Variants in OR56B1 observed in about 807,000 individuals in gnomAD.
OR56B1 encodes the protein olfactory receptor family 56 subfamily B member 1.
In OR56B1, 13 loss-of-function variants were observed where a neutral mutation model predicts 11.4. That is an observed-to-expected ratio of 1.14 (90% CI 0.74 to 1.81). The LOEUF (loss-of-function observed/expected upper bound fraction) is 1.81, where lower values mean the gene tolerates loss of function less well. Among genes scored for constraint, OR56B1 ranks in the 40% most tolerant of loss-of-function variants. OR56B1 has a pLI of 0.00. For missense variants in OR56B1, 434 were observed against 379.3 expected, an observed-to-expected ratio of 1.14 and a Z score of -1.20; for synonymous variants, 158 against 143.6, an observed-to-expected ratio of 1.10 and a Z score of -0.72.
Position 5,738,100 on chromosome 11 carries a change from C to G in OR56B1, c.*609C>G, listed in dbSNP as rs1853954666. On this transcript the variant is annotated 3_prime_UTR_variant, in exon 1 of 1. Transcript: ENST00000317121. ...TCTGGTGCTTACGCCGTTTGCCTCC[C>G]CAGATTTGCTGTCTGCCCTTTGTGC... 6.5e-6 allele frequency: 1 copy of G among 152,820 alleles called. No individual in the cohort carries two copies. Among genetic ancestry groups the G allele is most frequent in the Non-Finnish European group, 1.5e-5 (1 of 68,500 alleles). The allele number at this position is 152,820 out of a possible 1,614,324, so 9.5% of individuals were successfully genotyped here. A position where few individuals can be genotyped will look rare whatever the true frequency, so the allele number is the denominator to read the frequency against.
rs561180490 is a variant in OR56B1, at chr11:5,736,924, T to A, written c.408T>A (p.Cys136Ter). The A allele has an allele frequency of 1.2e-6, 2 of 1,614,062 alleles. No individual in the cohort carries two copies. Among genetic ancestry groups the A allele is most frequent in the South Asian group, 2.2e-5 (2 of 91,090 alleles). ...CTTTTGATAGATATGTGGCTATTTG[T>A]CACCCTCTTCGCTATCCATCAATTG... ...CMAFDRYVAICHPLRYPSIVT... is the reference protein window; with the variant it reads ...CMAFDRYVAI The change falls in exon 1 of 1, where the codon TGT (cysteine) becomes TGA (stop). Residue 136 changes from cysteine (C) to a stop codon, truncating the protein, a stop_gained. Coordinates refer to ENST00000317121, the MANE Select transcript of OR56B1 (RefSeq NM_001005180.3). LOFTEE classifies it high-confidence loss of function.
chr11:5,737,756 T>C lies in OR56B1; in HGVS notation c.*265T>C. 3.2e-6 allele frequency: 1 copy of C among 312,410 alleles called. No individual in the cohort carries two copies. The highest frequency in any genetic ancestry group is 5.7e-5 in the East Asian group (1 of 17,622). The allele number at this position is 312,410 out of a possible 1,614,324, so 19.4% of individuals were successfully genotyped here. ...TAAAGAACTTAATGATTGATATCTA[T>C]CTCTTAAAATAAAAATGAATATAAT... On this transcript the variant is annotated 3_prime_UTR_variant, in exon 1 of 1. Coordinates refer to ENST00000317121, the MANE Select transcript of OR56B1 (RefSeq NM_001005180.3).
chr11:5,737,511 C>G lies in OR56B1; in HGVS notation c.*20C>G. The G allele has an allele frequency of 6.3e-7, 1 of 1,585,386 alleles. No individual in the cohort carries two copies. The highest frequency in any genetic ancestry group is 8.6e-7 in the Non-Finnish European group (1 of 1,165,572). The stretch of plus-strand genomic sequence containing the variant: ...TCTTAGAGACCTTCTCCATGATGTA[C>G]ATGAACCTCAGCTTCTCCTAAACTG... On this transcript the variant is annotated 3_prime_UTR_variant, in exon 1 of 1. Coordinates refer to ENST00000317121, the MANE Select transcript of OR56B1 (RefSeq NM_001005180.3).
At position 5,737,403 on chromosome 11, in the gene OR56B1, A is replaced by G. The variant is rs1161356184; in HGVS notation, c.887A>G (p.Asn296Ser). The change falls in exon 1 of 1, where the codon AAC (asparagine) becomes AGC (serine). Residue 296 changes from asparagine to serine, a missense_variant. Asn to Ser is a conservative substitution (Grantham distance 46). Coordinates refer to ENST00000317121, the MANE Select transcript of OR56B1 (RefSeq NM_001005180.3). Reference sequence around the variant, plus strand: ...CACAACATCATCCCCCCTTCCCTCAACCCTACAGTTTATGCACTTCAGACC... The same window carrying G: ...CACAACATCATCCCCCCTTCCCTCAGCCCTACAGTTTATGCACTTCAGACC... ...VLHNIIPPSL[N>S]PTVYALQTKE... The G allele has an allele frequency of 6.2e-7, 1 of 1,613,808 alleles. No homozygotes were observed. The highest frequency in any genetic ancestry group is 1.1e-5 in the South Asian group (1 of 91,066).
Position 5,737,153 on chromosome 11 carries a change from T to C in OR56B1, c.637T>C (p.Trp213Arg). The C allele has an allele frequency of 6.2e-7, 1 of 1,614,010 alleles. No individual in the cohort carries two copies. The change falls in exon 1 of 1, where the codon TGG becomes CGG. Residue 213 changes from tryptophan (W) to arginine (R), a missense_variant. Physicochemically the swap from Trp to Arg is moderately radical, Grantham distance 101. Coordinates refer to ENST00000317121, the MANE Select transcript of OR56B1 (RefSeq NM_001005180.3). ...CAGCATTTGCCAGTTGGTTCTGGCA[T>C]GGCTTGGAATGGGGAGTGATCTAAG... Reference protein sequence around the residue: ...PNSICQLVLAWLGMGSDLSLI... With the variant: ...PNSICQLVLARLGMGSDLSLI...
chr11:5,737,507 T>C lies in OR56B1; in HGVS notation c.*16T>C, dbSNP rs201011587. 1.3e-6 allele frequency: 2 copies of C among 1,594,604 alleles called. No homozygotes were observed. The highest frequency in any genetic ancestry group is 1.7e-6 in the Non-Finnish European group (2 of 1,170,034). On this transcript the variant is annotated 3_prime_UTR_variant, in exon 1 of 1. Transcript: ENST00000317121. Reference sequence around the variant, plus strand: ...AAGATCTTAGAGACCTTCTCCATGATGTACATGAACCTCAGCTTCTCCTAA... The same window carrying C: ...AAGATCTTAGAGACCTTCTCCATGACGTACATGAACCTCAGCTTCTCCTAA...
chr11:5,736,715 C>T lies in OR56B1; in HGVS notation c.199C>T (p.Pro67Ser). ...IIWQNPSLQQ[P>S]MYIFLGILCM... ...CTGGCAGAACCCTTCTTTACAGCAGCCCATGTATATTTTCCTTGGCATCCT... is the reference window on the plus strand; with the variant it reads ...CTGGCAGAACCCTTCTTTACAGCAGTCCATGTATATTTTCCTTGGCATCCT... Residue 67 changes from proline (P) to serine (S), a missense_variant, in exon 1 of 1, where the codon CCC becomes TCC. Transcript: ENST00000317121. 1 of 1,613,950 alleles carries T rather than the reference C, an allele frequency of 6.2e-7. No homozygotes were observed. The highest frequency in any genetic ancestry group is 8.5e-7 in the Non-Finnish European group (1 of 1,179,948).
chr11:5,736,984 C>A lies in OR56B1; in HGVS notation c.468C>A (p.Phe156Leu). The A allele has an allele frequency of 6.2e-7, 1 of 1,614,118 alleles. No homozygotes were observed. The highest frequency in any genetic ancestry group is 8.5e-7 in the Non-Finnish European group (1 of 1,179,994). The change falls in exon 1 of 1, where the codon TTC (phenylalanine) becomes TTA (leucine). Residue 156 changes from phenylalanine (F) to leucine (L), a missense_variant. Transcript: ENST00000317121. ...TSSLILKATLFMVLRNGLFVT... is the reference protein window; with the variant it reads ...TSSLILKATLLMVLRNGLFVT... ...CCTTAATCTTAAAAGCTACCCTGTTCATGGTGCTGAGAAATGGCTTATTTG... is the reference window on the plus strand; with the variant it reads ...CCTTAATCTTAAAAGCTACCCTGTTAATGGTGCTGAGAAATGGCTTATTTG...
At position 5,737,382 on chromosome 11, in the gene OR56B1, A is replaced by T; in HGVS notation, c.866A>T (p.Asn289Ile). The T allele has an allele frequency of 6.2e-7, 1 of 1,614,102 alleles. No homozygotes were observed. Among genetic ancestry groups the T allele is most frequent in the Admixed American group, 1.7e-5 (1 of 60,018 alleles). Residue 289 changes from asparagine to isoleucine, a missense_variant, in exon 1 of 1, where the codon AAC becomes ATC. Physicochemically the swap from Asn to Ile is moderately radical, Grantham distance 149. Coordinates refer to ENST00000317121, the MANE Select transcript of OR56B1 (RefSeq NM_001005180.3). ...LIPVLLNVLH[N>I]IIPPSLNPTV... is the part of the protein sequence containing the mutation. ...CCAGTTCTACTTAATGTGTTGCACA[A>T]CATCATCCCCCCTTCCCTCAACCCT...
Position 5,737,589 on chromosome 11 carries a change from C to A in OR56B1, c.*98C>A. ...GAGTAAGTGAATACCTTTGGGATTC[C>A]CTTTTTATATTTGTATGTAAATAAT... On this transcript the variant is annotated 3_prime_UTR_variant, in exon 1 of 1. Transcript: ENST00000317121. 4.6e-6 allele frequency: 5 copies of A among 1,098,172 alleles called. No homozygotes were observed. Among genetic ancestry groups the A allele is most frequent in the Non-Finnish European group, 6.3e-6 (5 of 790,760 alleles). 68.0% of individuals were successfully genotyped at this position (1,098,172 alleles called of 1,614,324 possible).
In OR56B1 at chr11:5,737,411, G is replaced by C. The variant is rs199693302; in HGVS notation, c.895G>C (p.Val299Leu). 260 of 1,613,894 alleles carry C rather than the reference G, an allele frequency of 1.6e-4. No individual in the cohort carries two copies. Among genetic ancestry groups the C allele is most frequent in the Non-Finnish European group, 1.8e-4 (218 of 1,179,948 alleles). ...CATCCCCCCTTCCCTCAACCCTACA[G>C]TTTATGCACTTCAGACCAAAGAACT... ...NIIPPSLNPT[V>L]YALQTKELRA... Residue 299 changes from valine to leucine, a missense_variant, in exon 1 of 1, where the codon GTT becomes CTT. Val to Leu is a conservative substitution (Grantham distance 32). Transcript: ENST00000317121.
In OR56B1 at chr11:5,736,693, G is replaced by A. The variant is rs772827249; in HGVS notation, c.177G>A (p.Trp59Ter). 1.2e-6 allele frequency: 2 copies of A among 1,613,906 alleles called. No homozygotes were observed. The highest frequency in any genetic ancestry group is 2.2e-5 in the South Asian group (2 of 91,064). The change falls in exon 1 of 1, where the codon TGG becomes TGA. Residue 59 changes from tryptophan (W) to a stop codon, truncating the protein, a stop_gained. Coordinates refer to ENST00000317121, the MANE Select transcript of OR56B1 (RefSeq NM_001005180.3). LOFTEE classifies it low-confidence loss of function (END_TRUNC). ...ACACCCTCATCCTCATCATCATCTGGCAGAACCCTTCTTTACAGCAGCCCA... is the reference window on the plus strand; with the variant it reads ...ACACCCTCATCCTCATCATCATCTGACAGAACCCTTCTTTACAGCAGCCCA... ...AANTLILIII[W>*]QNPSLQQPMY... is the part of the protein sequence containing the mutation.
chr11:5,736,642 A>G lies in OR56B1; in HGVS notation c.126A>G (p.Leu42=), dbSNP rs1257776304. Residue 42 remains leucine (L), a synonymous_variant, in exon 1 of 1, where the codon CTA becomes CTG. Transcript: ENST00000317121. Reference sequence around the variant, plus strand: ...ACTGGCTATCTCTGCCCCTGGCACTACTGTATCTCTCAGCACTTGCTGCAA... The same window carrying G: ...ACTGGCTATCTCTGCCCCTGGCACTGCTGTATCTCTCAGCACTTGCTGCAA... ...WQHWLSLPLA[L]LYLSALAANT... The G allele has an allele frequency of 3.1e-6, 5 of 1,613,798 alleles. No individual in the cohort carries two copies. Among genetic ancestry groups the G allele is most frequent in the Non-Finnish European group, 4.2e-6 (5 of 1,179,962 alleles).
rs1198524408 is a variant in OR56B1 at position 5,736,848 on chromosome 11, A to G, written c.332A>G (p.Tyr111Cys). 3.7e-6 allele frequency: 6 copies of G among 1,613,804 alleles called. No individual in the cohort carries two copies. Among genetic ancestry groups the G allele is most frequent in the Non-Finnish European group, 5.1e-6 (6 of 1,179,976 alleles). The change falls in exon 1 of 1, where the codon TAT (tyrosine) becomes TGT (cysteine). Residue 111 changes from tyrosine (Y) to cysteine (C), a missense_variant. Coordinates refer to ENST00000317121, the MANE Select transcript of OR56B1 (RefSeq NM_001005180.3). ...ISLPECFAQIYAIHFFVGMES... is the reference protein window; with the variant it reads ...ISLPECFAQICAIHFFVGMES... ...CTCCCTGAGTGCTTTGCTCAGATTT[A>G]TGCCATTCACTTCTTTGTGGGCATG...
chr11:5,737,042 G>C lies in OR56B1; in HGVS notation c.526G>C (p.Asp176His), dbSNP rs1316569761. ...TPVPVLAAQR[D>H]YCSKNEIEHC... ...AGTGCCTGTGCTTGCAGCACAGCGTGATTATTGCTCCAAGAATGAAATTGA... is the reference window on the plus strand; with the variant it reads ...AGTGCCTGTGCTTGCAGCACAGCGTCATTATTGCTCCAAGAATGAAATTGA... Residue 176 changes from aspartate to histidine, a missense_variant, in exon 1 of 1, where the codon GAT (aspartate) becomes CAT (histidine). Coordinates refer to ENST00000317121, the MANE Select transcript of OR56B1 (RefSeq NM_001005180.3). The C allele has an allele frequency of 6.2e-7, 1 of 1,614,130 alleles. No homozygotes were observed. The highest frequency in any genetic ancestry group is 1.3e-5 in the African/African-American group (1 of 75,056).
Position 5,738,499 on chromosome 11 carries a change from C to T in OR56B1, c.*1008C>T, listed in dbSNP as rs188513236. 46 of 152,034 alleles carry T rather than the reference C, an allele frequency of 3.0e-4. No individual in the cohort carries two copies. The highest frequency in any genetic ancestry group is 1.1e-3 in the African/African-American group (44 of 41,498). 9.4% of individuals were successfully genotyped at this position (152,034 alleles called of 1,614,324 possible). A position where few individuals can be genotyped will look rare whatever the true frequency, so the allele number is the denominator to read the frequency against. ...TAAACAACCTACTACTCAATACCAA[C>T]TTCATTAAATTGTCTTCAAACTCAC... On this transcript the variant is annotated 3_prime_UTR_variant, in exon 1 of 1. Coordinates refer to ENST00000317121, the MANE Select transcript of OR56B1 (RefSeq NM_001005180.3).
Position 5,738,448 on chromosome 11 carries a change from T to C in OR56B1, c.*957T>C, listed in dbSNP as rs1282196649. The C allele has an allele frequency of 2.5e-5, 3 of 118,410 alleles. No individual in the cohort carries two copies. Among genetic ancestry groups the C allele is most frequent in the African/African-American group, 6.4e-5 (2 of 31,228 alleles). 7.3% of individuals were successfully genotyped at this position (118,410 alleles called of 1,614,324 possible). ...TAGTCTCTGAGTGCCCAGCATCCATTATTTTTTAATATCCACTTGTTTTCT... is the reference window on the plus strand; with the variant it reads ...TAGTCTCTGAGTGCCCAGCATCCATCATTTTTTAATATCCACTTGTTTTCT... On this transcript the variant is annotated 3_prime_UTR_variant, in exon 1 of 1. Transcript: ENST00000317121.
rs1170302236 is a variant in OR56B1, at chr11:5,736,951, C to T, written c.435C>T (p.Val145=). The T allele has an allele frequency of 4.3e-6, 7 of 1,614,088 alleles. No homozygotes were observed. Among genetic ancestry groups the T allele is most frequent in the Non-Finnish European group, 1.7e-6 (2 of 1,179,990 alleles). ...ICHPLRYPSI[V]TSSLILKATL... ...ACCCTCTTCGCTATCCATCAATTGT[C>T]ACCAGTTCCTTAATCTTAAAAGCTA... Residue 145 remains valine, a synonymous_variant, in exon 1 of 1, where the codon GTC becomes GTT. Coordinates refer to ENST00000317121, the MANE Select transcript of OR56B1 (RefSeq NM_001005180.3).
Position 5,736,800 on chromosome 11 carries a change from G to C in OR56B1, c.284G>C (p.Trp95Ser), listed in dbSNP as rs150877614. The C allele has an allele frequency of 2.5e-6, 4 of 1,613,978 alleles. No individual in the cohort carries two copies. The African/African-American group carries it at 4.0e-5, about 16-fold the overall frequency. Reference protein sequence around the residue: ...TIIPKILAIFWFDAKVISLPE... With the variant: ...TIIPKILAIFSFDAKVISLPE... ...ATCCCTAAGATCCTGGCCATCTTCT[G>C]GTTTGATGCCAAGGTTATTAGCCTC... Residue 95 changes from tryptophan to serine, a missense_variant, in exon 1 of 1, where the codon TGG becomes TCG. Trp to Ser is a radical substitution (Grantham distance 177). Transcript: ENST00000317121.
Sources: allele counts gnomAD v4.1 joint callset, GRCh38; gene constraint gnomAD v4.1.1; transcripts MANE v1.5; gene names NCBI Gene and HGNC (gene_info 2026-07-23, HGNC 2026-07-21).